SKAP1: variants seen among roughly 807,000 people sequenced by gnomAD.
The protein encoded by SKAP1 is src kinase-associated phosphoprotein 1.
A neutral mutation model predicts 58.5 loss-of-function variants in SKAP1; 44 were observed. That is an observed-to-expected ratio of 0.75 (90% confidence interval 0.59 to 0.97). The LOEUF (loss-of-function observed/expected upper bound fraction) is 0.97, where lower values mean the gene tolerates loss of function less well. SKAP1 is among the 50% of genes least tolerant of loss of function. The pLI is 0.00. For synonymous variants in SKAP1, 127 were observed against 149.7 expected (o/e 0.85, Z 1.11); for missense variants, 390 against 435.2 (o/e 0.90, Z 0.92).
At chr17:48,208,632 G>A (rs1439719977) in intron 4 of SKAP1, among the ~76,000 whole-genome samples, 1 of 152,162 alleles carries the variant, frequency 6.6e-6, no homozygotes, top group Non-Finnish European at 1.5e-5. Flanking sequence ...AGGGGAGGCT[G>A]CACTTAGCCC....
At chr17:48,299,996 C>A (rs2066036919) in intron 4 of SKAP1, among the ~76,000 whole-genome samples, 1 of 152,132 alleles carries the variant, frequency 6.6e-6, no homozygotes, top group Admixed American at 6.5e-5. Flanking sequence ...TATTTCAGGT[C>A]ATGGTTTCAA....
At chr17:48,337,626 AGGGGCT>A (rs2066591571) in intron 4 of SKAP1, among the ~76,000 whole-genome samples, 1 of 152,250 alleles carries the variant, frequency 6.6e-6, no homozygotes, top group South Asian at 2.1e-4. Context: ...AAATCAATTC[AGGGGCT>A]TAATGCACGT....
intron 4 of SKAP1, among the ~76,000 whole-genome samples, chr17:48,200,006 G>T (rs559535289): frequency 6.6e-6 from 1 of 152,028 alleles, no homozygotes; most frequent in South Asian, 2.1e-4. Context: ...GATTGAGGAG[G>T]AAGGCTGGCG....
At chr17:48,229,311 CT>C (rs2065102223) in intron 4 of SKAP1, among the ~76,000 whole-genome samples, 2 of 151,986 alleles carry the variant, frequency 1.3e-5, no homozygotes, top group African/African-American at 4.8e-5. Flanking sequence ...AGTACTAAAC[CT>C]TTTTTTGTCA....
At chr17:48,290,905 C>T (rs1169273602) in intron 4 of SKAP1, among the ~76,000 whole-genome samples, 1 of 152,120 alleles carries the variant, frequency 6.6e-6, no homozygotes, top group Non-Finnish European at 1.5e-5. Context: ...CTTTGGGAGG[C>T]AAAGGCAGGA....
intron 3 of SKAP1, among the ~76,000 whole-genome samples, chr17:48,362,990 TTAAGA>T (rs2066954868): frequency 6.6e-6 from 1 of 152,154 alleles, no homozygotes; most frequent in South Asian, 2.1e-4. Flanking sequence ...TTATAATAAA[TTAAGA>T]TAATATTCAG....
intron 4 of SKAP1, among the ~76,000 whole-genome samples, chr17:48,304,227 T>C (rs532688552): frequency 1.8e-4 from 27 of 152,306 alleles, no homozygotes; most frequent in Admixed American, 8.5e-4. Flanking sequence ...TTTTTGTATA[T>C]GCATTTTTGG....
At chr17:48,398,456 T>C (rs1399070893) in intron 1 of SKAP1, among the ~76,000 whole-genome samples, 1 of 152,136 alleles carries the variant, frequency 6.6e-6, no homozygotes, top group East Asian at 1.9e-4. Flanking sequence ...TTTTTCATTA[T>C]ATATTACAAT....
At chr17:48,315,565 C>T (rs913400966) in intron 4 of SKAP1, among the ~76,000 whole-genome samples, 1 of 152,162 alleles carries the variant, frequency 6.6e-6, no homozygotes. Context: ...TTTTATTAGA[C>T]ACAACTATCC....
In SKAP1 at chr17:48,218,885, TA is replaced by T. The variant is rs76150756; in HGVS notation, c.281-29386del. Among the ~76,000 whole-genome samples the T allele has an allele frequency of 9.0e-3, 1,323 of 147,312 alleles. 11 individuals are homozygous for T. Among genetic ancestry groups the T allele is most frequent in the Non-Finnish European group, 0.013 (841 of 66,462 alleles). On this transcript the variant is annotated intron_variant, in intron 4 of 12. Coordinates refer to ENST00000336915, the MANE Select transcript of SKAP1 (RefSeq NM_003726.4). The stretch of plus-strand genomic sequence containing the variant: ...CAATATTTTGGGGGTTTCAGATTGT[TA>T]AAAAAAAAACCCTCATGGGGTGGCC...
At chr17:48,228,632 T>C (rs2065095410) in intron 4 of SKAP1, among the ~76,000 whole-genome samples, 1 of 152,224 alleles carries the variant, frequency 6.6e-6, no homozygotes, top group South Asian at 2.1e-4. Context: ...GTGCTTTACA[T>C]GTATCAACTC....
At chr17:48,233,621 G>A (rs2065148112) in intron 4 of SKAP1, among the ~76,000 whole-genome samples, 3 of 152,218 alleles carry the variant, frequency 2.0e-5, no homozygotes, top group South Asian at 4.2e-4. Context: ...TTGGGAGGTC[G>A]AGGTGGGTGG....
At chr17:48,207,897 G>A (rs961799143) in intron 4 of SKAP1, among the ~76,000 whole-genome samples, 3 of 152,176 alleles carry the variant, frequency 2.0e-5, no homozygotes, top group Non-Finnish European at 4.4e-5. Context: ...GAGGTTTTGT[G>A]CCAGAGAGCA....
chr17:48,348,377 G>GA (rs1188564363), intron 3 of SKAP1, among the ~76,000 whole-genome samples: 1 of 146,536 alleles, frequency 6.8e-6, no homozygotes, highest in Admixed American at 6.8e-5. Flanking sequence ...AAAGAAGAAA[G>GA]AAAAAAAGTA....
In SKAP1 at chr17:48,385,826, G is replaced by A. The variant is rs577723898; in HGVS notation, c.152+10854C>T. 1.7e-4 allele frequency among the ~76,000 whole-genome samples: 26 copies of A among 152,278 alleles called. No individual in the cohort carries two copies. In the Middle Eastern group the frequency reaches 0.01, roughly 60 times the overall value. On this transcript the variant is annotated intron_variant, in intron 2 of 12. Coordinates refer to ENST00000336915, the MANE Select transcript of SKAP1 (RefSeq NM_003726.4). ...GTTATAACAGGACGTAGATTCTAGG[G>A]AACACAGGGGAAAGAGTTAGAAAAG...
chr17:48,253,072 T>C (rs7222593), intron 4 of SKAP1, among the ~76,000 whole-genome samples: 36,709 of 151,980 alleles, frequency 0.24, 4,619 homozygotes, highest in African/African-American at 0.31. Flanking sequence ...ACTCTTCACT[T>C]AAAGAACTGC....
At chr17:48,197,028 G>A (rs956279934) in intron 4 of SKAP1, among the ~76,000 whole-genome samples, 1 of 152,206 alleles carries the variant, frequency 6.6e-6, no homozygotes, top group African/African-American at 2.4e-5. Context: ...GGAGGCCGAG[G>A]TGGGCAGATC....
chr17:48,303,676 A>G (rs890212942), intron 4 of SKAP1, among the ~76,000 whole-genome samples: 1 of 152,236 alleles, frequency 6.6e-6, no homozygotes. Flanking sequence ...GTTTTCTGAC[A>G]AAATATCTGT....
chr17:48,307,894 T>A (rs2066169551), intron 4 of SKAP1: 1 of 152,188 alleles, frequency 6.6e-6, no homozygotes, highest in Admixed American at 6.5e-5. Context: ...TCCGCAAATA[T>A]TTAGTGATTG....
Sources: allele counts gnomAD v4.1 joint callset (sites outside exome capture counted in the v4.1 genomes callset), GRCh38; gene constraint gnomAD v4.1.1; transcripts MANE v1.5; gene names NCBI Gene and HGNC (gene_info 2026-07-23, HGNC 2026-07-21).